SH2B2: variants seen among roughly 807,000 people sequenced by gnomAD.
SH2B2 encodes SH2B adaptor protein 2, also known as SH2B adapter protein 2.
Under a neutral mutation model 35.7 loss-of-function variants are expected in SH2B2, and 37 were observed. The ratio of observed to expected loss-of-function variants is 1.04; its 90% CI spans 0.80 to 1.36. The LOEUF is 1.36. Among genes scored for constraint, SH2B2 ranks in the 40% most tolerant of loss-of-function variants. The pLI is 0.00. For synonymous variants in SH2B2, 383 were observed against 376.4 expected (o/e 1.02, Z -0.20); for missense variants, 852 against 817.7 (o/e 1.04, Z -0.51).
In SH2B2 at chr7:102,320,420, C is replaced by T; in HGVS notation, c.1485C>T (p.His495=). 6.2e-7 allele frequency: 1 copy of T among 1,613,764 alleles called. No homozygotes were observed. Among genetic ancestry groups the T allele is most frequent in the Non-Finnish European group, 8.5e-7 (1 of 1,179,886 alleles). Residue 495 remains histidine (H), a synonymous_variant, in exon 8 of 9, where the codon CAC becomes CAT. Transcript: ENST00000444095. ...TGCTTGACATGCTCCGCCACTTCCA[C>T]ACACACCCCATCCCACTGGAGTCAG... The part of the protein sequence containing the change: ...QSVLDMLRHF[H]THPIPLESGG...
rs781882013 is a variant in SH2B2 at position 102,301,178 on chromosome 7, G to T, written c.628G>T (p.Ala210Ser). The T allele has an allele frequency of 6.3e-7, 1 of 1,577,010 alleles. No homozygotes were observed. The highest frequency in any genetic ancestry group is 8.6e-7 in the Non-Finnish European group (1 of 1,164,276). The change falls in exon 2 of 9, where the codon GCG becomes TCG. Residue 210 changes from alanine (A) to serine (S), a missense_variant. Around this residue, in one of 3 missense-constraint regions of SH2B2, gnomAD observed 556 missense variants for 514.5 expected, o/e 1.08. Transcript: ENST00000444095. ...CTTCATGGTGGCCGACGACGCGGCC[G>T]CGGGCTCCGGGGGCTCGGCTCAGTG... is the stretch of plus-strand genomic sequence containing the variant. ...LRFMVADDAA[A>S]GSGGSAQWQK...
At chr7:102,296,901 C>T (rs1792939621) in intron 1 of SH2B2, among the ~76,000 whole-genome samples, 2 of 151,986 alleles carry the variant, frequency 1.3e-5, no homozygotes, top group Admixed American at 1.3e-4. Flanking sequence ...ATCGCTTGAG[C>T]CCAGGAGTTG....
In SH2B2 at chr7:102,320,422, C is replaced by T. The variant is rs782315534; in HGVS notation, c.1487C>T (p.Thr496Ile). The change falls in exon 8 of 9, where the codon ACA becomes ATA. Residue 496 changes from threonine to isoleucine, a missense_variant. Around this residue, in one of 3 missense-constraint regions of SH2B2, gnomAD observed 556 missense variants for 514.5 expected, o/e 1.08. Coordinates refer to ENST00000444095, the MANE Select transcript of SH2B2 (RefSeq NM_001359228.2). ...CTTGACATGCTCCGCCACTTCCACA[C>T]ACACCCCATCCCACTGGAGTCAGGG... ...SVLDMLRHFH[T>I]HPIPLESGGS... The T allele has an allele frequency of 8.1e-6, 13 of 1,613,644 alleles. No homozygotes were observed. Among genetic ancestry groups the T allele is most frequent in the Non-Finnish European group, 1.1e-5 (13 of 1,179,882 alleles).
intron 2 of SH2B2, among the ~76,000 whole-genome samples, chr7:102,302,999 C>G (rs147473641): frequency 6.6e-6 from 1 of 151,928 alleles, no homozygotes; most frequent in African/African-American, 2.4e-5. Context: ...TTTGGGAGGC[C>G]GAGGCAGGTG....
At chr7:102,295,290 C>T (rs1178766873) in intron 1 of SH2B2, among the ~76,000 whole-genome samples, 1 of 152,194 alleles carries the variant, frequency 6.6e-6, no homozygotes, top group Non-Finnish European at 1.5e-5. Flanking sequence ...TGGCTCTGAG[C>T]CCCCTGGGGG....
At chr7:102,298,914 C>CTTTTTTTTTTTTTTTTTTTTT (rs1182008499) in intron 1 of SH2B2, among the ~76,000 whole-genome samples, 4 of 93,386 alleles carry the variant, frequency 4.3e-5, no homozygotes, top group Non-Finnish European at 6.1e-5. Context: ...TCTTTCTTCT[C>CTTTTTTTTTTTTTTTTTTTTT]TTTTTTTTTT....
chr7:102,309,327 C>G (rs1793523458), intron 4 of SH2B2: 1 of 343,430 alleles, frequency 2.9e-6, no homozygotes, highest in Non-Finnish European at 5.7e-6. Flanking sequence ...GCCTGGGCAA[C>G]ATAGCCAGAC....
intron 3 of SH2B2, among the ~76,000 whole-genome samples, chr7:102,307,523 C>G (rs568325832): frequency 2.0e-5 from 3 of 152,258 alleles, no homozygotes; most frequent in South Asian, 4.1e-4. Context: ...TGTTTAGTCA[C>G]GGACTCACTT....
chr7:102,288,851 C>T (rs1792560464), intron 1 of SH2B2, among the ~76,000 whole-genome samples: 1 of 152,228 alleles, frequency 6.6e-6, no homozygotes, highest in Non-Finnish European at 1.5e-5. Context: ...GCCTCCCAAC[C>T]ACTCCTCTCT....
At chr7:102,294,163 G>A (rs563938257) in intron 1 of SH2B2, among the ~76,000 whole-genome samples, 2 of 152,286 alleles carry the variant, frequency 1.3e-5, no homozygotes, top group South Asian at 4.1e-4. Context: ...AAGTACCTGG[G>A]ACTACAGGCG....
chr7:102,302,389 T>C (rs1426113221), intron 2 of SH2B2, among the ~76,000 whole-genome samples: 1 of 152,220 alleles, frequency 6.6e-6, no homozygotes, highest in African/African-American at 2.4e-5. Context: ...AGGGGGTCCT[T>C]TTCTGGCCAG....
At chr7:102,307,510 A>G (rs1373295644) in intron 3 of SH2B2, among the ~76,000 whole-genome samples, 2 of 151,930 alleles carry the variant, frequency 1.3e-5, no homozygotes, top group African/African-American at 4.8e-5. Flanking sequence ...GCCCGTTCTC[A>G]TTTGTTTAGT....
At chr7:102,288,024 C>A (rs1236117873) in intron 1 of SH2B2, among the ~76,000 whole-genome samples, 1 of 152,194 alleles carries the variant, frequency 6.6e-6, no homozygotes, top group Non-Finnish European at 1.5e-5. Context: ...GCCAACATCA[C>A]CTACCCTGTA....
intron 4 of SH2B2, among the ~76,000 whole-genome samples, chr7:102,310,030 C>T (rs1793557869): frequency 6.6e-6 from 1 of 151,954 alleles, no homozygotes; most frequent in Admixed American, 6.6e-5. Flanking sequence ...AAAAATTTGG[C>T]CGGGGCCAGG....
chr7:102,320,272 C>T, intron 7 of SH2B2, 59 bp from the exon 8 acceptor site: 8 of 1,410,428 alleles, frequency 5.7e-6, no homozygotes, highest in South Asian at 1.2e-5. Flanking sequence ...CCCCCAAAGG[C>T]GCTTACCCAG....
At chr7:102,306,243 C>T (rs1199055377) in intron 2 of SH2B2, among the ~76,000 whole-genome samples, 3 of 152,168 alleles carry the variant, frequency 2.0e-5, no homozygotes, top group Admixed American at 6.6e-5. Flanking sequence ...TGCACCACCA[C>T]GCCTGGCTAA....
At chr7:102,306,844 C>T in intron 3 of SH2B2, 22 bp downstream of exon 3, 1 of 1,530,010 alleles carries the variant, frequency 6.5e-7, no homozygotes, top group Non-Finnish European at 8.9e-7. Context: ...CCCCTAACCT[C>T]AGAGATCCTC....
intron 7 of SH2B2, 144 bp downstream of exon 7, chr7:102,317,539 C>A: frequency 1.4e-6 from 1 of 709,310 alleles, no homozygotes; most frequent in Non-Finnish European, 2.2e-6. Flanking sequence ...CCACTCACCC[C>A]AGCCATGCTC....
rs782514852 is a variant in SH2B2, at chr7:102,301,049, C to T, written c.499C>T (p.Arg167Cys). 5.8e-6 allele frequency: 8 copies of T among 1,372,946 alleles called. No individual in the cohort carries two copies. The highest frequency in any genetic ancestry group is 3.2e-5 in the East Asian group (1 of 31,636). 85.0% of individuals were successfully genotyped at this position (1,372,946 alleles called of 1,614,324 possible). The change falls in exon 2 of 9, where the codon CGC becomes TGC. Residue 167 changes from arginine (R) to cysteine (C), a missense_variant. By Grantham distance (180) the Arg-to-Cys change is radical (BLOSUM62 -3). Transcript: ENST00000444095. ...CGAGCCCGACGCGGCAGCTGCCCCG[C>T]GCACCGCCGAGCCCCGCGACAAGTG... is the stretch of plus-strand genomic sequence containing the variant. ...SPEPDAAAAPRTAEPRDKWTR... is the reference protein window; with the variant it reads ...SPEPDAAAAPCTAEPRDKWTR...
Sources: gnomAD v4.1 joint callset for allele counts (sites outside exome capture counted in the v4.1 genomes callset) on GRCh38, gnomAD v4.1.1 for gene constraint, gnomAD v4.1.1 regional missense constraint, MANE v1.5 for transcripts, NCBI Gene and HGNC (gene_info 2026-07-23, HGNC 2026-07-21) for gene names.